Variants in EML4 observed in about 807,000 individuals in gnomAD.
EML4 encodes the protein EMAP like 4.
Under a neutral mutation model 129.0 loss-of-function variants are expected in EML4, and 72 were observed. That is an observed-to-expected ratio of 0.56 (90% CI 0.46 to 0.68). The LOEUF is 0.68. Among genes scored for constraint, EML4 ranks in the 30% least tolerant of loss-of-function variants. EML4 has a pLI of 0.00. For missense variants in EML4, 1,363 were observed against 1,190.6 expected, an observed-to-expected ratio of 1.14 and a Z score of -2.13; for synonymous variants, 532 against 405.0, an observed-to-expected ratio of 1.31 and a Z score of -3.77.
chr2:42,299,313 A>T (rs529344808), intron 13 of EML4, among the ~76,000 whole-genome samples: 29 of 152,332 alleles, frequency 1.9e-4, no homozygotes, highest in Non-Finnish European at 3.4e-4. Flanking sequence ...ATTTTAGTCA[A>T]TTTGTTAAGT....
At chr2:42,309,045 G>T (rs1668779237) in intron 17 of EML4, among the ~76,000 whole-genome samples, 1 of 152,110 alleles carries the variant, frequency 6.6e-6, no homozygotes, top group African/African-American at 2.4e-5. Context: ...ATGAGCTTTA[G>T]AGTGGATATG....
intron 3 of EML4, among the ~76,000 whole-genome samples, chr2:42,258,822 A>C (rs1397835164): frequency 6.6e-6 from 1 of 152,258 alleles, no homozygotes; most frequent in African/African-American, 2.4e-5. Flanking sequence ...TTGACATTAA[A>C]ATATCTATAA....
chr2:42,303,205 T>C lies in EML4; in HGVS notation c.1743T>C (p.Asn581=), dbSNP rs1323929369. 1 of 1,614,226 alleles carries C rather than the reference T, an allele frequency of 6.2e-7. No homozygotes were observed. Among genetic ancestry groups the C allele is most frequent in the Admixed American group, 1.7e-5 (1 of 60,024 alleles). Residue 581 remains asparagine, a synonymous_variant, in exon 15 of 23, where the codon AAT becomes AAC. Coordinates refer to ENST00000318522, the MANE Select transcript of EML4 (RefSeq NM_019063.5). The stretch of plus-strand genomic sequence containing the variant: ...ACTTTATTTTACGAGGAACATTTAA[T>C]GATGGCTTCCAAATAGAAGTACAGG... The part of the protein sequence containing the change: ...SRNFILRGTF[N]DGFQIEVQGH...
At chr2:42,193,172 G>C (rs1210724047) in intron 1 of EML4, among the ~76,000 whole-genome samples, 2 of 152,258 alleles carry the variant, frequency 1.3e-5, no homozygotes, top group East Asian at 3.9e-4. Context: ...ATTGCCTACA[G>C]TATTCAGTGC....
intron 1 of EML4, among the ~76,000 whole-genome samples, chr2:42,215,617 T>C (rs1463644130): frequency 6.6e-6 from 1 of 152,222 alleles, no homozygotes; most frequent in Non-Finnish European, 1.5e-5. Flanking sequence ...AACATTTTGC[T>C]ATACTTGGGT....
chr2:42,169,974 C>T (rs960792793), intron 1 of EML4: 4 of 267,112 alleles, frequency 1.5e-5, no homozygotes, highest in Middle Eastern at 1.1e-3. Flanking sequence ...ACTTACCCCC[C>T]TTCAGAGTTG....
intron 1 of EML4, among the ~76,000 whole-genome samples, chr2:42,220,788 C>G (rs1022358821): frequency 6.6e-6 from 1 of 152,156 alleles, no homozygotes; most frequent in South Asian, 2.1e-4. Context: ...CTGAAGAGTG[C>G]TACTCCAGTG....
chr2:42,175,988 A>C (rs1349263597), intron 1 of EML4, among the ~76,000 whole-genome samples: 1 of 147,080 alleles, frequency 6.8e-6, no homozygotes, highest in Non-Finnish European at 1.5e-5. Context: ...TTTTCGTTGG[A>C]TCCTAACCTT....
intron 1 of EML4, among the ~76,000 whole-genome samples, chr2:42,216,432 G>A (rs1031122232): frequency 3.3e-5 from 5 of 150,890 alleles, no homozygotes; most frequent in East Asian, 2.0e-4. Flanking sequence ...TAGTAGAGAC[G>A]GGGTTTCAGC....
intron 11 of EML4, among the ~76,000 whole-genome samples, chr2:42,291,971 G>A (rs1400150120): frequency 6.6e-6 from 1 of 152,100 alleles, no homozygotes; most frequent in African/African-American, 2.4e-5. Flanking sequence ...TATCTTACGT[G>A]AAAAAGACAA....
intron 1 of EML4, among the ~76,000 whole-genome samples, chr2:42,217,934 A>G (rs1673301878): frequency 1.3e-5 from 2 of 152,144 alleles, no homozygotes; most frequent in Admixed American, 1.3e-4. Context: ...TACTGGATTG[A>G]TCCTGTGATT....
chr2:42,215,923 T>A (rs1482118090), intron 1 of EML4, among the ~76,000 whole-genome samples: 1 of 152,058 alleles, frequency 6.6e-6, no homozygotes, highest in Non-Finnish European at 1.5e-5. Flanking sequence ...TTTATCTTTT[T>A]TTTTTCTTTT....
At chr2:42,187,216 T>C (rs927200243) in intron 1 of EML4, among the ~76,000 whole-genome samples, 8 of 151,926 alleles carry the variant, frequency 5.3e-5, no homozygotes, top group African/African-American at 1.7e-4. Context: ...GCTAATTTTT[T>C]TTTTTAATTT....
At chr2:42,305,666 C>G (rs1434611619) in intron 17 of EML4, among the ~76,000 whole-genome samples, 1 of 152,122 alleles carries the variant, frequency 6.6e-6, no homozygotes, top group Non-Finnish European at 1.5e-5. Context: ...ACTTTATTGC[C>G]TCTGCTAGTA....
chr2:42,264,881 T>C, intron 6 of EML4, 150 bp downstream of exon 6: 1 of 1,547,256 alleles, frequency 6.5e-7, no homozygotes, highest in Non-Finnish European at 8.7e-7. Context: ...AAAAACCCAG[T>C]TTTTATTGTA....
At chr2:42,203,501 C>G (rs1216829434) in intron 1 of EML4, among the ~76,000 whole-genome samples, 2 of 152,042 alleles carry the variant, frequency 1.3e-5, no homozygotes, top group African/African-American at 4.8e-5. Flanking sequence ...TTCACATGAA[C>G]TTTATATAGA....
chr2:42,329,148 A>G, intron 22 of EML4, 132 bp downstream of exon 22: 1 of 772,420 alleles, frequency 1.3e-6, no homozygotes, highest in Non-Finnish European at 1.9e-6. Context: ...GATAAGGGCC[A>G]TCGGTGAGCA....
intron 19 of EML4, among the ~76,000 whole-genome samples, chr2:42,324,524 G>A (rs886437404): frequency 2.6e-5 from 4 of 152,156 alleles, no homozygotes; most frequent in African/African-American, 9.7e-5. Context: ...GCTGAGAAGT[G>A]GAAGGATCAC....
chr2:42,264,997 C>A (rs1457361388), intron 6 of EML4: 1 of 1,517,612 alleles, frequency 6.6e-7, no homozygotes, highest in Non-Finnish European at 8.9e-7. Flanking sequence ...TGAATTTTTT[C>A]CTGGATCTCT....
Sources: gnomAD v4.1 joint callset for allele counts (sites outside exome capture counted in the v4.1 genomes callset) on GRCh38, gnomAD v4.1.1 for gene constraint, MANE v1.5 for transcripts, NCBI Gene and HGNC (gene_info 2026-07-23, HGNC 2026-07-21) for gene names.